Variants in DLGAP2 observed in about 807,000 individuals in gnomAD.
The protein encoded by DLGAP2 is DLG associated protein 2, also known as disks large-associated protein 2.
Under a neutral mutation model 100.3 loss-of-function variants are expected in DLGAP2, and 26 were observed. The ratio of observed to expected loss-of-function variants is 0.26; its 90% CI spans 0.19 to 0.36. The LOEUF is 0.36. Among genes scored for constraint, DLGAP2 ranks in the 10% least tolerant of loss-of-function variants. The pLI is 1.00. For missense variants in DLGAP2, 1,858 were observed against 1,453.2 expected (o/e 1.28, Z -4.53); for synonymous variants, 886 against 630.1 (o/e 1.41, Z -6.08).
chr8:1,648,835 G>T (rs1334108965), intron 8 of DLGAP2, among the ~76,000 whole-genome samples: 1 of 152,166 alleles, frequency 6.6e-6, no homozygotes, highest in African/African-American at 2.4e-5. Context: ...GATATCGTGG[G>T]GTTGGCTTCC....
At chr8:1,392,073 C>A (rs1165872765) in intron 3 of DLGAP2, among the ~76,000 whole-genome samples, 1 of 151,036 alleles carries the variant, frequency 6.6e-6, no homozygotes, top group Non-Finnish European at 1.5e-5. Flanking sequence ...TTTCAGAAAA[C>A]CCAGGTCATA....
At chr8:1,373,939 T>C (rs1802319228) in intron 3 of DLGAP2, 1 of 152,496 alleles carries the variant, frequency 6.6e-6, no homozygotes, top group Admixed American at 6.5e-5. Flanking sequence ...AAAAAAGTTA[T>C]CCCAATTGAA....
chr8:969,099 C>T (rs573599696), intron 2 of DLGAP2, among the ~76,000 whole-genome samples: 1 of 152,258 alleles, frequency 6.6e-6, no homozygotes, highest in South Asian at 2.1e-4. Flanking sequence ...ATGAGAGTCT[C>T]ATGATAATTT....
intron 3 of DLGAP2, among the ~76,000 whole-genome samples, chr8:1,377,518 C>T (rs1439597806): frequency 6.6e-6 from 1 of 151,960 alleles, no homozygotes; most frequent in Non-Finnish European, 1.5e-5. Flanking sequence ...CACTCCAGCC[C>T]GGGCGATAGA....
chr8:1,648,478 C>G (rs1289584338), intron 8 of DLGAP2, among the ~76,000 whole-genome samples: 2 of 152,118 alleles, frequency 1.3e-5, no homozygotes, highest in African/African-American at 2.4e-5. Flanking sequence ...AGGTTAAACC[C>G]AAGGCAATAC....
chr8:961,561 C>T (rs1181196438), intron 2 of DLGAP2, among the ~76,000 whole-genome samples: 1 of 152,166 alleles, frequency 6.6e-6, no homozygotes, highest in African/African-American at 2.4e-5. Flanking sequence ...GGGAGCTGTC[C>T]TGGCTGTGCA....
chr8:1,008,432 C>T lies in DLGAP2; in HGVS notation c.73+100466C>T, dbSNP rs555862254. On this transcript the variant is annotated intron_variant, in intron 2 of 14. Coordinates refer to ENST00000637795, the MANE Select transcript of DLGAP2 (RefSeq NM_001346810.2). The stretch of plus-strand genomic sequence containing the variant: ...ATTATCATATTCTAGTAATAGGCAA[C>T]TCAACTTTTAAAAAGAAGTAATTGT... Among the ~76,000 whole-genome samples the T allele has an allele frequency of 5.0e-4, 76 of 152,306 alleles. No homozygotes were observed. In the South Asian group the frequency reaches 0.011, roughly 22 times the overall value.
chr8:995,949 C>T (rs1291513155), intron 2 of DLGAP2, among the ~76,000 whole-genome samples: 1 of 152,130 alleles, frequency 6.6e-6, no homozygotes, highest in African/African-American at 2.4e-5. Context: ...GTAGTGCAGG[C>T]AGGAACCAAA....
intron 2 of DLGAP2, among the ~76,000 whole-genome samples, chr8:1,022,414 C>G (rs1260141334): frequency 1.3e-5 from 2 of 149,250 alleles, no homozygotes; most frequent in Non-Finnish European, 1.5e-5. Flanking sequence ...ACGCTCCAAA[C>G]AGCACCCACC....
At chr8:1,694,346 A>C (rs1799325870) in intron 13 of DLGAP2, among the ~76,000 whole-genome samples, 1 of 151,776 alleles carries the variant, frequency 6.6e-6, no homozygotes, top group Non-Finnish European at 1.5e-5. Context: ...GTCTGCTGGA[A>C]GTTGTTGGTA....
intron 3 of DLGAP2, chr8:1,301,123 A>T (rs2116993687): frequency 6.6e-6 from 1 of 152,460 alleles, no homozygotes; most frequent in Non-Finnish European, 1.5e-5. Context: ...GCCATTTCTC[A>T]TAGGCAGCGT....
intron 1 of DLGAP2, among the ~76,000 whole-genome samples, chr8:764,673 G>A (rs1194416171): frequency 6.6e-6 from 1 of 152,118 alleles, no homozygotes; most frequent in Non-Finnish European, 1.5e-5. Context: ...AACCTCTACC[G>A]TAAGTACCAT....
chr8:1,638,671 G>A (rs1312601215), intron 8 of DLGAP2, among the ~76,000 whole-genome samples: 1 of 152,134 alleles, frequency 6.6e-6, no homozygotes, highest in Admixed American at 6.5e-5. Flanking sequence ...GCTGAGCTCT[G>A]GGGAGCCGTG....
chr8:1,442,728 G>C (rs942608474), intron 3 of DLGAP2, among the ~76,000 whole-genome samples: 1 of 142,956 alleles, frequency 7.0e-6, no homozygotes, highest in African/African-American at 2.6e-5. Context: ...GCATAGACCC[G>C]CCAGGCTGCT....
chr8:814,285 C>T (rs1279778515), intron 1 of DLGAP2, among the ~76,000 whole-genome samples: 1 of 152,206 alleles, frequency 6.6e-6, no homozygotes, highest in African/African-American at 2.4e-5. Flanking sequence ...CAAATGGACA[C>T]ACTTGGCTCC....
intron 2 of DLGAP2, among the ~76,000 whole-genome samples, chr8:1,080,880 G>T (rs956441730): frequency 2.0e-5 from 3 of 152,078 alleles, no homozygotes; most frequent in Non-Finnish European, 4.4e-5. Context: ...TTAAATATTG[G>T]TTTAAAGGAA....
intron 2 of DLGAP2, among the ~76,000 whole-genome samples, chr8:1,091,707 C>T (rs79099386): frequency 1.4e-4 from 21 of 152,236 alleles, no homozygotes; most frequent in Non-Finnish European, 2.4e-4. Flanking sequence ...TGTGGGTGGA[C>T]GTCTGGGTTG....
intron 2 of DLGAP2, among the ~76,000 whole-genome samples, chr8:1,231,448 G>T (rs894702624): frequency 6.6e-6 from 1 of 152,134 alleles, no homozygotes; most frequent in Admixed American, 6.5e-5. Context: ...AAAGAATTTA[G>T]AACTACTGTT....
Position 1,065,746 on chromosome 8 carries a change from G to T in DLGAP2, c.73+157780G>T, listed in dbSNP as rs567357771. On this transcript the variant is annotated intron_variant, in intron 2 of 14. Transcript: ENST00000637795. The stretch of plus-strand genomic sequence containing the variant: ...GTTATCCCATTTAAGTACATCGTTT[G>T]CTCCTTGTGGGGGCAGTTCAGAGAC... Among the ~76,000 whole-genome samples, 24 of 152,308 alleles carry T rather than the reference G, an allele frequency of 1.6e-4. No individual in the cohort carries two copies. In the South Asian group the frequency reaches 4.6e-3, roughly 29 times the overall value.
Sources: allele counts gnomAD v4.1 joint callset (sites outside exome capture counted in the v4.1 genomes callset), GRCh38; gene constraint gnomAD v4.1.1; transcripts MANE v1.5; gene names NCBI Gene and HGNC (gene_info 2026-07-23, HGNC 2026-07-21).